The following ZNF679 variants were observed in gnomAD, a reference collection of about 807,000 sequenced individuals.
ZNF679 encodes the protein hypothetical protein MGC42415.
ZNF679 carries 10 observed loss-of-function variants against 13.4 expected under a neutral mutation model. The observed-to-expected ratio is 0.75, with a 90% CI of 0.46 to 1.27. The LOEUF (loss-of-function observed/expected upper bound fraction) is 1.27, where lower values mean the gene tolerates loss of function less well. Ranked by LOEUF, ZNF679 falls within the 50% of genes most tolerant of loss-of-function variation. The pLI, the probability that ZNF679 is intolerant of heterozygous loss-of-function variation, is 0.00. For synonymous variants in ZNF679, 179 were observed against 162.5 expected, an observed-to-expected ratio of 1.10 and a Z score of -0.77; for missense variants, 525 against 477.8, an observed-to-expected ratio of 1.10 and a Z score of -0.92.
At chr7:64,234,984 T>C (rs1787689246) in intron 1 of ZNF679, among the ~76,000 whole-genome samples, 1 of 152,094 alleles carries the variant, frequency 6.6e-6, no homozygotes, top group African/African-American at 2.4e-5. Flanking sequence ...ACTACAGGCA[T>C]GTGCCACCAT....
chr7:64,256,791 G>A (rs1203688868), intron 2 of ZNF679, among the ~76,000 whole-genome samples: 1 of 150,456 alleles, frequency 6.6e-6, no homozygotes, highest in Non-Finnish European at 1.5e-5. Flanking sequence ...TCCGCCTTCT[G>A]GTTTCAAGCA....
chr7:64,237,579 A>C (rs2116513605), intron 1 of ZNF679, among the ~76,000 whole-genome samples: 1 of 152,248 alleles, frequency 6.6e-6, no homozygotes, highest in Non-Finnish European at 1.5e-5. Flanking sequence ...TTTAGACCAA[A>C]CACACGGCAT....
In ZNF679 at chr7:64,244,957, T is replaced by C. The variant is rs544795887; in HGVS notation, c.-90-4071T>C. ...GCCACATGGCTACAAGGTCAAGCTCTCAAGAACATAAAACAAGAGGGAAAC... is the reference window on the plus strand; with the variant it reads ...GCCACATGGCTACAAGGTCAAGCTCCCAAGAACATAAAACAAGAGGGAAAC... On this transcript the variant is annotated intron_variant, in intron 1 of 4. Coordinates refer to ENST00000421025, the MANE Select transcript of ZNF679 (RefSeq NM_153363.3). Among the ~76,000 whole-genome samples, 402 of 152,360 alleles carry C rather than the reference T, an allele frequency of 2.6e-3. 2 individuals carry two copies. The highest frequency in any genetic ancestry group is 7.8e-3 in the African/African-American group (324 of 41,584).
chr7:64,256,235 C>A (rs908732272), intron 2 of ZNF679, among the ~76,000 whole-genome samples: 4 of 152,170 alleles, frequency 2.6e-5, no homozygotes, highest in African/African-American at 9.7e-5. Context: ...CATGTTGCTG[C>A]AAAGGACATG....
intron 3 of ZNF679, among the ~76,000 whole-genome samples, chr7:64,260,619 A>T (rs1034419229): frequency 6.6e-6 from 1 of 152,182 alleles, no homozygotes; most frequent in African/African-American, 2.4e-5. Context: ...CTTAGAATTC[A>T]GTTGCTGCCA....
At chr7:64,237,703 TC>T (rs1787745824) in intron 1 of ZNF679, among the ~76,000 whole-genome samples, 1 of 152,066 alleles carries the variant, frequency 6.6e-6, no homozygotes, top group Admixed American at 6.6e-5. Flanking sequence ...CTCAATACAG[TC>T]CCCAGTGCAC....
At chr7:64,265,790 ATGCCATTTTGCT>A in intron 4 of ZNF679, 94 bp from the exon 5 acceptor site, 1 of 1,280,142 alleles carries the variant, frequency 7.8e-7, no homozygotes. Context: ...GTAATTTGAT[ATGCCATTTTGCT>A]AAAGTACCTT....
At chr7:64,249,480 G>C (rs1189959540) in intron 2 of ZNF679, among the ~76,000 whole-genome samples, 1 of 152,172 alleles carries the variant, frequency 6.6e-6, no homozygotes, top group East Asian at 1.9e-4. Flanking sequence ...CCCGACTCAG[G>C]GTGTGGGATT....
Position 64,233,361 on chromosome 7 carries a change from G to A in ZNF679, c.-91+4709G>A, listed in dbSNP as rs1010036908. 3.9e-5 allele frequency among the ~76,000 whole-genome samples: 6 copies of A among 152,014 alleles called. No individual in the cohort carries two copies. In the East Asian group the frequency reaches 5.8e-4, roughly 15 times the overall value. ...TAAAAATTAAGCTGGGCATGGAGGC[G>A]TGCTCTTGTAGTCCTAGCTATTGGG... On this transcript the variant is annotated intron_variant, in intron 1 of 4. Transcript: ENST00000421025.
intron 1 of ZNF679, among the ~76,000 whole-genome samples, chr7:64,233,570 G>C (rs541489744): frequency 6.6e-6 from 1 of 152,072 alleles, no homozygotes; most frequent in Non-Finnish European, 1.5e-5. Context: ...CACCCTTTCA[G>C]GTCTTTGCTT....
At position 64,247,385 on chromosome 7, in the gene ZNF679, G is replaced by T. The variant is rs921870521; in HGVS notation, c.-90-1643G>T. Among the ~76,000 whole-genome samples, 4 of 152,168 alleles carry T rather than the reference G, an allele frequency of 2.6e-5. No homozygotes were observed. In the East Asian group the frequency reaches 7.7e-4, roughly 29 times the overall value. On this transcript the variant is annotated intron_variant, in intron 1 of 4. Transcript: ENST00000421025. Reference sequence around the variant, plus strand: ...CATGGCCACAGAGTGCTGGAATGTGGCTGGTCTGAACTGCAATATGCTAGA... The same window carrying T: ...CATGGCCACAGAGTGCTGGAATGTGTCTGGTCTGAACTGCAATATGCTAGA...
intron 1 of ZNF679, among the ~76,000 whole-genome samples, chr7:64,244,569 A>G (rs1346699664): frequency 3.3e-5 from 5 of 152,236 alleles, no homozygotes; most frequent in African/African-American, 1.2e-4. Context: ...ATTTTCAAAA[A>G]GATGGCAAGC....
At chr7:64,258,415 T>A (rs1490177175) in intron 2 of ZNF679, among the ~76,000 whole-genome samples, 1 of 152,076 alleles carries the variant, frequency 6.6e-6, no homozygotes, top group Non-Finnish European at 1.5e-5. Context: ...TCAAGAGTAG[T>A]GTGCGGGCCG....
At chr7:64,231,943 C>T (rs1274759720) in intron 1 of ZNF679, among the ~76,000 whole-genome samples, 2 of 152,226 alleles carry the variant, frequency 1.3e-5, no homozygotes, top group Admixed American at 1.3e-4. Context: ...TCAACGTCTC[C>T]TGTGAGTTGA....
At chr7:64,248,692 A>G (rs553799512) in intron 1 of ZNF679, among the ~76,000 whole-genome samples, 5 of 152,290 alleles carry the variant, frequency 3.3e-5, no homozygotes, top group African/African-American at 1.2e-4. Flanking sequence ...AATAATTGTC[A>G]TTATGTTTTT....
At chr7:64,255,252 C>T (rs894608931) in intron 2 of ZNF679, among the ~76,000 whole-genome samples, 2 of 152,068 alleles carry the variant, frequency 1.3e-5, no homozygotes, top group Admixed American at 6.6e-5. Flanking sequence ...CTTCTTTCAC[C>T]GCTACCACCA....
intron 4 of ZNF679, among the ~76,000 whole-genome samples, chr7:64,262,787 C>A (rs1788095065): frequency 3.9e-5 from 6 of 152,072 alleles, no homozygotes; most frequent in Middle Eastern, 3.4e-3. Flanking sequence ...AGATATAGTT[C>A]AAAATAAAGT....
intron 2 of ZNF679, among the ~76,000 whole-genome samples, chr7:64,256,697 C>CTT (rs35992074): frequency 4.1e-4 from 55 of 134,244 alleles, no homozygotes; most frequent in Admixed American, 1.7e-3. Flanking sequence ...TTTCGTTGAA[C>CTT]TTTTTTTTTT....
chr7:64,240,901 G>A (rs751554063), intron 1 of ZNF679, among the ~76,000 whole-genome samples: 11 of 152,212 alleles, frequency 7.2e-5, no homozygotes, highest in Non-Finnish European at 1.3e-4. Flanking sequence ...AACAGACTGT[G>A]TTTTGATAGA....
Sources: gnomAD v4.1 joint callset for allele counts (sites outside exome capture counted in the v4.1 genomes callset) on GRCh38, gnomAD v4.1.1 for gene constraint, MANE v1.5 for transcripts, NCBI Gene and HGNC (gene_info 2026-07-23, HGNC 2026-07-21) for gene names.